Variants in ADAM12 observed in about 807,000 individuals in gnomAD.
ADAM12 encodes disintegrin and metalloproteinase domain-containing protein 12.
In ADAM12, 70 loss-of-function variants were observed where a neutral mutation model predicts 106.4. That is an observed-to-expected ratio of 0.66 (90% CI 0.54 to 0.80). The LOEUF is 0.80. Among genes scored for constraint, ADAM12 ranks in the 30% least tolerant of loss-of-function variants. The probability of loss-of-function intolerance (pLI) is 0.00; values close to 1 mark genes in which losing one functional copy is unlikely to be tolerated. For synonymous variants in ADAM12, 420 were observed against 433.5 expected (o/e 0.97, Z 0.39); for missense variants, 1,010 against 1,171.9 (o/e 0.86, Z 2.02).
At chr10:126,266,400 A>G (rs1266138146) in intron 3 of ADAM12, among the ~76,000 whole-genome samples, 2 of 152,176 alleles carry the variant, frequency 1.3e-5, no homozygotes, top group Admixed American at 1.3e-4. Flanking sequence ...AAGCAGGAAT[A>G]GGGGCAGTCA....
At chr10:126,144,260 T>G (rs1207567292) in intron 4 of ADAM12, among the ~76,000 whole-genome samples, 9 of 152,212 alleles carry the variant, frequency 5.9e-5, no homozygotes, top group Non-Finnish European at 4.4e-5. Context: ...AATCTTCGGG[T>G]TGAGTCTCTC....
intron 12 of ADAM12, among the ~76,000 whole-genome samples, chr10:126,069,673 T>C (rs917474556): frequency 3.9e-5 from 6 of 152,208 alleles, no homozygotes; most frequent in African/African-American, 1.4e-4. Flanking sequence ...GTAGCAGTGA[T>C]GCTGGTAGCG....
intron 11 of ADAM12, among the ~76,000 whole-genome samples, chr10:126,073,603 C>G (rs546838104): frequency 6.6e-6 from 1 of 152,340 alleles, no homozygotes; most frequent in East Asian, 1.9e-4. Context: ...TTAGCTCCCA[C>G]TTATAAATGA....
chr10:126,132,537 C>G (rs938595933), intron 5 of ADAM12, among the ~76,000 whole-genome samples: 1 of 66,606 alleles, frequency 1.5e-5, no homozygotes, highest in Non-Finnish European at 3.1e-5. Context: ...CCCCCCCCCT[C>G]AACTAGTCCA....
At chr10:126,260,340 G>A (rs779971398) in intron 3 of ADAM12, among the ~76,000 whole-genome samples, 5 of 152,142 alleles carry the variant, frequency 3.3e-5, no homozygotes, top group South Asian at 2.1e-4. Flanking sequence ...AAAAGTGGTC[G>A]ATGTTTACAA....
chr10:126,228,242 C>G (rs373078241), intron 3 of ADAM12, among the ~76,000 whole-genome samples: 1 of 152,162 alleles, frequency 6.6e-6, no homozygotes, highest in Non-Finnish European at 1.5e-5. Flanking sequence ...TGCCAACAAA[C>G]GATTGGTATT....
At chr10:126,058,893 A>G (rs1590350672) in intron 14 of ADAM12, among the ~76,000 whole-genome samples, 3 of 152,374 alleles carry the variant, frequency 2.0e-5, no homozygotes, top group African/African-American at 4.8e-5. Context: ...GTCTGTCTTC[A>G]TGAAGACAAG....
At position 126,071,540 on chromosome 10, in the gene ADAM12, C is replaced by A. The variant is rs754583319; in HGVS notation, c.1260G>T (p.Gly420=). The stretch of plus-strand genomic sequence containing the variant: ...CAAATCTGTTCCCACACTTCTGGCC[C>A]CCGAAAGACTCCCTGACTTCCGGCA... ...FNLPEVRESF[G]GQKCGNRFVE... is the part of the protein sequence containing the mutation. The change falls in exon 12 of 23, where the codon GGG becomes GGT. Residue 420 remains glycine, a synonymous_variant. Transcript: ENST00000448723. The A allele has an allele frequency of 1.2e-6, 2 of 1,614,170 alleles. No homozygotes were observed. Among genetic ancestry groups the A allele is most frequent in the Non-Finnish European group, 8.5e-7 (1 of 1,180,030 alleles).
intron 21 of ADAM12, among the ~76,000 whole-genome samples, chr10:126,021,658 G>A (rs1044934300): frequency 1.3e-5 from 2 of 151,964 alleles, no homozygotes; most frequent in Non-Finnish European, 2.9e-5. Flanking sequence ...AGCACGGATT[G>A]TTTATATATT....
chr10:126,198,551 A>C (rs1206054152), intron 3 of ADAM12, among the ~76,000 whole-genome samples: 2 of 152,146 alleles, frequency 1.3e-5, no homozygotes, highest in Non-Finnish European at 2.9e-5. Context: ...GCTCGTGTGA[A>C]TCCTGCAGCT....
intron 2 of ADAM12, among the ~76,000 whole-genome samples, chr10:126,328,037 A>G (rs948365391): frequency 1.3e-5 from 2 of 152,240 alleles, no homozygotes; most frequent in Non-Finnish European, 2.9e-5. Flanking sequence ...TGAAAAAACT[A>G]TCTTTCCTTC....
At chr10:126,362,379 G>A (rs958233652) in intron 1 of ADAM12, among the ~76,000 whole-genome samples, 4 of 151,930 alleles carry the variant, frequency 2.6e-5, no homozygotes, top group African/African-American at 9.7e-5. Flanking sequence ...ACTCTATAGA[G>A]GTTCCTCAAA....
chr10:126,020,039 A>G (rs1054689982), intron 21 of ADAM12, among the ~76,000 whole-genome samples: 15 of 152,136 alleles, frequency 9.9e-5, no homozygotes, highest in East Asian at 1.9e-4. Context: ...ACACTCAACT[A>G]TGGGGCTTCT....
At chr10:126,277,711 CAA>C (rs763981348) in intron 3 of ADAM12, among the ~76,000 whole-genome samples, 9 of 152,008 alleles carry the variant, frequency 5.9e-5, no homozygotes, top group Non-Finnish European at 1.2e-4. Context: ...GAGCAAGTCA[CAA>C]GAAAAGCTAA....
At chr10:126,039,563 C>CTAAT (rs1954123641) in intron 18 of ADAM12, 134 bp from the exon 19 acceptor site, 1 of 1,044,846 alleles carries the variant, frequency 9.6e-7, no homozygotes, top group East Asian at 2.6e-5. Flanking sequence ...GAGTGATGTA[C>CTAAT]TAATAAACTG....
chr10:126,259,800 G>T (rs548988815), intron 3 of ADAM12, among the ~76,000 whole-genome samples: 1 of 152,168 alleles, frequency 6.6e-6, no homozygotes, highest in Non-Finnish European at 1.5e-5. Flanking sequence ...GCTCAGTAAG[G>T]TTTGGTGGGC....
intron 20 of ADAM12, among the ~76,000 whole-genome samples, chr10:126,037,428 C>T (rs1954080573): frequency 6.6e-6 from 1 of 152,114 alleles, no homozygotes; most frequent in African/African-American, 2.4e-5. Flanking sequence ...ATGGCAGCCT[C>T]CTCCTTGGAG....
At chr10:126,312,144 A>C (rs939944694) in intron 2 of ADAM12, among the ~76,000 whole-genome samples, 8 of 151,718 alleles carry the variant, frequency 5.3e-5, no homozygotes, top group South Asian at 4.2e-4. Context: ...AAAAAAAAAA[A>C]AAAAAAAACC....
At chr10:126,365,672 A>T (rs1855884052) in intron 1 of ADAM12, among the ~76,000 whole-genome samples, 1 of 152,140 alleles carries the variant, frequency 6.6e-6, no homozygotes, top group Admixed American at 6.5e-5. Flanking sequence ...ATCTCATGAG[A>T]ATTCACTCAC....
Sources: allele counts gnomAD v4.1 joint callset (sites outside exome capture counted in the v4.1 genomes callset), GRCh38; gene constraint gnomAD v4.1.1; transcripts MANE v1.5; gene names NCBI Gene and HGNC (gene_info 2026-07-23, HGNC 2026-07-21).